The following BRINP1 variants were observed in gnomAD, a reference collection of about 807,000 sequenced individuals.
BRINP1 encodes the protein BMP/retinoic acid inducible neural specific 1.
Under a neutral mutation model 72.9 loss-of-function variants are expected in BRINP1, and 17 were observed. The observed-to-expected ratio is 0.23, with a 90% confidence interval of 0.16 to 0.35. The LOEUF is 0.35. Among genes scored for constraint, BRINP1 ranks in the 10% least tolerant of loss-of-function variants. BRINP1 has a pLI of 1.00. For synonymous variants in BRINP1, 418 were observed against 378.5 expected (o/e 1.10, Z -1.21); for missense variants, 850 against 1,001.6 (o/e 0.85, Z 2.04).
chr9:119,326,792 A>G (rs1280955261), intron 1 of BRINP1, among the ~76,000 whole-genome samples: 2 of 152,236 alleles, frequency 1.3e-5, no homozygotes, highest in Non-Finnish European at 2.9e-5. Flanking sequence ...TAATTTCAGT[A>G]TAATGTAATA....
At chr9:119,303,287 CACAG>C (rs1564243227) in intron 2 of BRINP1, among the ~76,000 whole-genome samples, 1 of 135,200 alleles carries the variant, frequency 7.4e-6, no homozygotes, top group Non-Finnish European at 1.6e-5. Flanking sequence ...ACCACACACA[CACAG>C]ACACACACAC....
intron 1 of BRINP1, among the ~76,000 whole-genome samples, chr9:119,349,264 A>G (rs1469625976): frequency 6.6e-6 from 1 of 152,180 alleles, no homozygotes; most frequent in Non-Finnish European, 1.5e-5. Context: ...TCCTAGATAC[A>G]CACAGGGGAA....
At chr9:119,321,021 C>T (rs1225003280) in intron 1 of BRINP1, among the ~76,000 whole-genome samples, 1 of 152,040 alleles carries the variant, frequency 6.6e-6, no homozygotes, top group Non-Finnish European at 1.5e-5. Flanking sequence ...AGCTCCGCCT[C>T]CCGGGTTCAC....
At chr9:119,219,433 A>G (rs1215283700) in intron 5 of BRINP1, among the ~76,000 whole-genome samples, 1 of 151,734 alleles carries the variant, frequency 6.6e-6, no homozygotes, top group Non-Finnish European at 1.5e-5. Context: ...TTCTTCTATT[A>G]ATTTTCCTTC....
At chr9:119,343,772 T>G (rs1190729796) in intron 1 of BRINP1, among the ~76,000 whole-genome samples, 2 of 152,114 alleles carry the variant, frequency 1.3e-5, no homozygotes, top group East Asian at 3.9e-4. Context: ...ATAATGTCCC[T>G]CTCCCACCTC....
At chr9:119,355,063 A>T (rs1364261662) in intron 1 of BRINP1, among the ~76,000 whole-genome samples, 1 of 152,176 alleles carries the variant, frequency 6.6e-6, no homozygotes, top group African/African-American at 2.4e-5. Context: ...TCCTACGACA[A>T]ATTGCTCACT....
intron 1 of BRINP1, among the ~76,000 whole-genome samples, chr9:119,345,720 A>T (rs761119931): frequency 7.2e-5 from 11 of 152,142 alleles, no homozygotes; most frequent in Non-Finnish European, 1.5e-4. Context: ...ACTTGCACCC[A>T]AGTCTTCTGA....
At chr9:119,283,609 A>G (rs1588190679) in intron 2 of BRINP1, among the ~76,000 whole-genome samples, 2 of 151,962 alleles carry the variant, frequency 1.3e-5, no homozygotes, top group Admixed American at 1.3e-4. Context: ...GCTCACTGCA[A>G]CCTCCGCCTC....
chr9:119,256,310 T>C (rs188639232), intron 2 of BRINP1, among the ~76,000 whole-genome samples: 103 of 152,320 alleles, frequency 6.8e-4, no homozygotes, highest in African/African-American at 2.3e-3. Context: ...AGCTGGGTGA[T>C]AGTGGATAGA....
Position 119,304,527 on chromosome 9 carries a change from G to C in BRINP1, c.218+8611C>G, listed in dbSNP as rs1455875846. Among the ~76,000 whole-genome samples the C allele has an allele frequency of 2.0e-5, 3 of 152,332 alleles. No homozygotes were observed. The East Asian group carries it at 5.8e-4, about 29-fold the overall frequency. The stretch of plus-strand genomic sequence containing the variant: ...TAGCTAATGAGACCCAGTAATTCTT[G>C]TGCCCAGGAGGAAGGCCTTGAGAGA... On this transcript the variant is annotated intron_variant, in intron 2 of 7. Transcript: ENST00000265922.
chr9:119,346,291 C>A (rs886886986), intron 1 of BRINP1, among the ~76,000 whole-genome samples: 1 of 152,114 alleles, frequency 6.6e-6, no homozygotes, highest in Non-Finnish European at 1.5e-5. Flanking sequence ...ATGAAACAGA[C>A]TTACTCTGTT....
intron 7 of BRINP1, among the ~76,000 whole-genome samples, chr9:119,176,032 A>G (rs900591443): frequency 6.6e-6 from 1 of 152,220 alleles, no homozygotes; most frequent in African/African-American, 2.4e-5. Context: ...TGTGAGGATT[A>G]TATGAATTTT....
At chr9:119,222,890 G>A (rs900721055) in intron 5 of BRINP1, among the ~76,000 whole-genome samples, 1 of 151,896 alleles carries the variant, frequency 6.6e-6, no homozygotes, top group Admixed American at 6.6e-5. Flanking sequence ...TTTAAGAAGA[G>A]GTTGGTTCAA....
chr9:119,261,154 G>A (rs1015480490), intron 2 of BRINP1, among the ~76,000 whole-genome samples: 1 of 152,170 alleles, frequency 6.6e-6, no homozygotes, highest in East Asian at 1.9e-4. Context: ...CTGAAGCAGA[G>A]TTTGCATAAC....
At chr9:119,321,055 C>T (rs1417456434) in intron 1 of BRINP1, among the ~76,000 whole-genome samples, 1 of 152,184 alleles carries the variant, frequency 6.6e-6, no homozygotes. Context: ...CTCAGCTTCC[C>T]GAGTAGCTGG....
At chr9:119,336,662 A>T (rs1436562764) in intron 1 of BRINP1, among the ~76,000 whole-genome samples, 1 of 152,128 alleles carries the variant, frequency 6.6e-6, no homozygotes, top group Non-Finnish European at 1.5e-5. Flanking sequence ...CAGTTCACTG[A>T]ACTGACGCTG....
intron 2 of BRINP1, among the ~76,000 whole-genome samples, chr9:119,275,950 C>T (rs1288993136): frequency 6.6e-6 from 1 of 152,150 alleles, no homozygotes; most frequent in African/African-American, 2.4e-5. Flanking sequence ...TTCTGCCCTT[C>T]GTTTCTCTCC....
At chr9:119,357,053 C>T (rs541846162) in intron 1 of BRINP1, among the ~76,000 whole-genome samples, 136 of 152,238 alleles carry the variant, frequency 8.9e-4, no homozygotes, top group Admixed American at 2.5e-3. Flanking sequence ...CACATGTGTT[C>T]CTCATTCCAT....
intron 1 of BRINP1, among the ~76,000 whole-genome samples, chr9:119,351,572 C>T (rs1831508192): frequency 6.6e-6 from 1 of 152,120 alleles, no homozygotes; most frequent in African/African-American, 2.4e-5. Flanking sequence ...ACTGAACTCC[C>T]AAAGCACCTA....
Sources: allele counts gnomAD v4.1 joint callset (sites outside exome capture counted in the v4.1 genomes callset), GRCh38; gene constraint gnomAD v4.1.1; transcripts MANE v1.5; gene names NCBI Gene and HGNC (gene_info 2026-07-23, HGNC 2026-07-21).